DIP2B: variants seen among roughly 807,000 people sequenced by gnomAD.
DIP2B encodes the protein disco-interacting protein 2 homolog B.
DIP2B carries 76 observed loss-of-function variants against 198.0 expected under a neutral mutation model. The observed-to-expected ratio is 0.38, with a 90% CI of 0.32 to 0.46. The LOEUF is 0.46. DIP2B is among the 20% of genes least tolerant of loss of function. The pLI is 0.99. For missense variants in DIP2B, 1,559 were observed against 1,978.4 expected, an observed-to-expected ratio of 0.79 and a Z score of 4.02; for synonymous variants, 701 against 739.1, an observed-to-expected ratio of 0.95 and a Z score of 0.84.
At chr12:50,721,245 A>G (rs750641120) in intron 25 of DIP2B, 28 bp from the exon 26 acceptor site, 2 of 1,608,658 alleles carry the variant, frequency 1.2e-6, no homozygotes, top group African/African-American at 1.3e-5. Flanking sequence ...CTGAGCTTTG[A>G]CCCGCTTATC....
At chr12:50,520,035 CTTTTTTTTTTTTT>C (rs35179881) in intron 1 of DIP2B, among the ~76,000 whole-genome samples, 1 of 100,560 alleles carries the variant, frequency 9.9e-6, no homozygotes, top group Non-Finnish European at 1.9e-5. Context: ...ATTGAATCTC[CTTTTTTTTTTTTT>C]TTTTTTTTGA....
intron 1 of DIP2B, among the ~76,000 whole-genome samples, chr12:50,575,967 AGGCTGGTCTCAAACTCCT>A (rs1157193905): frequency 6.6e-6 from 1 of 152,128 alleles, no homozygotes; most frequent in African/African-American, 2.4e-5. Flanking sequence ...CATGTTGGCC[AGGCTGGTCTCAAACTCCT>A]GACCTTAGAT....
intron 23 of DIP2B, among the ~76,000 whole-genome samples, chr12:50,717,356 C>T (rs1939744196): frequency 7.9e-6 from 1 of 126,656 alleles, no homozygotes. Flanking sequence ...CAGCTCACTG[C>T]AGCTTTTTTT....
chr12:50,656,794 A>G (rs954976892), intron 3 of DIP2B, among the ~76,000 whole-genome samples: 1 of 151,932 alleles, frequency 6.6e-6, no homozygotes, highest in Non-Finnish European at 1.5e-5. Flanking sequence ...CTGGTTTCGA[A>G]CTCCTGACCT....
intron 1 of DIP2B, among the ~76,000 whole-genome samples, chr12:50,621,599 C>T (rs1243929454): frequency 1.3e-5 from 2 of 152,190 alleles, no homozygotes; most frequent in Non-Finnish European, 2.9e-5. Flanking sequence ...CCCTCAAGTG[C>T]ACAGTCTAGT....
At chr12:50,666,911 A>G (rs927168646) in intron 4 of DIP2B, among the ~76,000 whole-genome samples, 4 of 152,244 alleles carry the variant, frequency 2.6e-5, no homozygotes, top group African/African-American at 9.6e-5. Context: ...AGTCCCAGCT[A>G]CTCGGGACGC....
chr12:50,698,547 C>A, intron 18 of DIP2B, 80 bp downstream of exon 18: 1 of 1,509,278 alleles, frequency 6.6e-7, no homozygotes, highest in Non-Finnish European at 8.9e-7. Context: ...ATACAGAATC[C>A]CAAACGAGGA....
At chr12:50,617,640 C>T (rs1937724630) in intron 1 of DIP2B, among the ~76,000 whole-genome samples, 1 of 151,908 alleles carries the variant, frequency 6.6e-6, no homozygotes, top group African/African-American at 2.4e-5. Flanking sequence ...GAAACCCTGT[C>T]TTTACTAAAA....
chr12:50,643,522 C>T (rs1259584807), intron 3 of DIP2B, among the ~76,000 whole-genome samples: 1 of 151,112 alleles, frequency 6.6e-6, no homozygotes, highest in African/African-American at 2.4e-5. Flanking sequence ...TTTAAAAACC[C>T]TGAAGATATT....
Position 50,708,455 on chromosome 12 carries a change from G to A in DIP2B, c.2542G>A (p.Val848Met). 1.9e-6 allele frequency: 3 copies of A among 1,596,208 alleles called. No individual in the cohort carries two copies. The highest frequency in any genetic ancestry group is 2.6e-6 in the Non-Finnish European group (3 of 1,169,996). The change falls in exon 22 of 38, where the codon GTG (valine) becomes ATG (methionine). Residue 848 changes from valine (V) to methionine (M), a missense_variant. Physicochemically the swap from Val to Met is conservative, Grantham distance 21. Transcript: ENST00000301180. ...IKTVYRGRIA[V>M]FSVSVFYDER... Reference sequence around the variant, plus strand: ...TTGATCTGTCTCTCTTAGAATTGCTGTGTTTTCTGTGTCTGTATTTTATGA... The same window carrying A: ...TTGATCTGTCTCTCTTAGAATTGCTATGTTTTCTGTGTCTGTATTTTATGA...
intron 1 of DIP2B, among the ~76,000 whole-genome samples, chr12:50,520,986 A>G (rs901547690): frequency 6.7e-4 from 101 of 150,812 alleles, no homozygotes; most frequent in Non-Finnish European, 1.9e-4. Context: ...TTAAAATCCA[A>G]CCCTTGTTTC....
At chr12:50,576,064 T>C (rs955171457) in intron 1 of DIP2B, among the ~76,000 whole-genome samples, 9 of 149,962 alleles carry the variant, frequency 6.0e-5, no homozygotes, top group African/African-American at 2.2e-4. Flanking sequence ...GGCCCTGATA[T>C]TTTTTTTCAC....
chr12:50,724,830 C>A lies in DIP2B; in HGVS notation c.3344C>A (p.Ser1115Tyr). ...CAGACCCTAATGAGGCTACTGAGGT[C>A]CCGAGAGGCAGCAGCAGCTGTGGAT... ...TSQTLMRLLR[S>Y]REAAAAVDVK... Residue 1115 changes from serine to tyrosine, a missense_variant, in exon 28 of 38, where the codon TCC becomes TAC. Ser to Tyr is a moderately radical substitution (Grantham distance 144). Coordinates refer to ENST00000301180, the MANE Select transcript of DIP2B (RefSeq NM_173602.3). The A allele has an allele frequency of 6.2e-7, 1 of 1,614,148 alleles. No individual in the cohort carries two copies. Among genetic ancestry groups the A allele is most frequent in the Non-Finnish European group, 8.5e-7 (1 of 1,180,012 alleles).
intron 1 of DIP2B, among the ~76,000 whole-genome samples, chr12:50,569,064 C>T (rs1200970620): frequency 6.7e-6 from 1 of 150,250 alleles, no homozygotes; most frequent in African/African-American, 2.4e-5. Context: ...ATCACAATCT[C>T]TGCTTTTCCA....
intron 23 of DIP2B, among the ~76,000 whole-genome samples, chr12:50,716,615 T>A (rs1242208826): frequency 6.6e-6 from 1 of 152,196 alleles, no homozygotes; most frequent in South Asian, 2.1e-4. Context: ...TCCCCAAATA[T>A]TTACCCTTTG....
At chr12:50,684,429 T>TA (rs1487399243) in intron 10 of DIP2B, among the ~76,000 whole-genome samples, 2 of 152,238 alleles carry the variant, frequency 1.3e-5, no homozygotes, top group Non-Finnish European at 2.9e-5. Flanking sequence ...CACTTGATGC[T>TA]AATTTTGTCA....
At chr12:50,556,988 G>A (rs1458793127) in intron 1 of DIP2B, among the ~76,000 whole-genome samples, 1 of 152,102 alleles carries the variant, frequency 6.6e-6, no homozygotes, top group African/African-American at 2.4e-5. Context: ...GTGATTACAG[G>A]CATGAGTCAC....
chr12:50,671,116 A>G lies in DIP2B; in HGVS notation c.428-70A>G, dbSNP rs190447856. 15 of 1,468,012 alleles carry G rather than the reference A, an allele frequency of 1.0e-5. No homozygotes were observed. The African/African-American group carries it at 1.8e-4, about 18-fold the overall frequency. 90.9% of individuals were successfully genotyped at this position (1,468,012 alleles called of 1,614,324 possible). A position where few individuals can be genotyped will look rare whatever the true frequency, so the allele number is the denominator to read the frequency against. Reference sequence around the variant, plus strand: ...TGGTGTCGAAACTGAATGTGTGATCAATGAGCAAGAACTGAAAAGTCTCTG... The same window carrying G: ...TGGTGTCGAAACTGAATGTGTGATCGATGAGCAAGAACTGAAAAGTCTCTG... On this transcript the variant is annotated intron_variant, in intron 4 of 37. Transcript: ENST00000301180.
intron 2 of DIP2B, among the ~76,000 whole-genome samples, chr12:50,630,663 C>CTTTTT (rs11327858): frequency 3.4e-3 from 253 of 74,574 alleles, no homozygotes; most frequent in African/African-American, 0.01. Context: ...TCTTTCTTTT[C>CTTTTT]TTTTTTTTTT....
Sources: gnomAD v4.1 joint callset for allele counts (sites outside exome capture counted in the v4.1 genomes callset) on GRCh38, gnomAD v4.1.1 for gene constraint, MANE v1.5 for transcripts, NCBI Gene and HGNC (gene_info 2026-07-23, HGNC 2026-07-21) for gene names.